Variants in PHB1 observed in about 807,000 individuals in gnomAD.
The protein encoded by PHB1 is prohibitin 1.
At chr17:49,407,014 A>G in the PHB1 span, 1 of 641,710 alleles carries the variant, frequency 1.6e-6, no homozygotes. Flanking sequence ...TCTGTATCCA[A>G]ACTGAGTTTA....
At chr17:49,407,109 C>T in the PHB1 span, 4 of 465,894 alleles carry the variant, frequency 8.6e-6, no homozygotes, top group African/African-American at 3.9e-5. Context: ...CAAATGGCAC[C>T]GGGGGCTTTT....
At chr17:49,410,933 A>T in the PHB1 span, among the ~76,000 whole-genome samples, 1 of 152,222 alleles carries the variant, frequency 6.6e-6, no homozygotes, top group African/African-American at 2.4e-5. Context: ...GGAGAGAATT[A>T]TACTTTCCCC....
At chr17:49,409,229 G>C in the PHB1 span, 1 of 1,570,324 alleles carries the variant, frequency 6.4e-7, no homozygotes. Flanking sequence ...CAGGAAACTA[G>C]CAGCCACATC....
At chr17:49,409,078 G>C in the PHB1 span, 1 of 1,611,826 alleles carries the variant, frequency 6.2e-7, no homozygotes. Context: ...CAAAGGTGGC[G>C]GCTCGCTCTG....
the PHB1 span, among the ~76,000 whole-genome samples, chr17:49,410,033 C>A: frequency 2.6e-5 from 4 of 151,980 alleles, no homozygotes; most frequent in Non-Finnish European, 4.4e-5. Flanking sequence ...CAGGCACAGA[C>A]CACCACGCCC....
chr17:49,409,010 C>T, the PHB1 span: 2 of 1,382,644 alleles, frequency 1.4e-6, 1 homozygote, highest in South Asian at 2.6e-5. Context: ...ACTGCAGCCC[C>T]TTCCCCTCCT....
chr17:49,405,247 C>T, the PHB1 span: 2 of 1,545,256 alleles, frequency 1.3e-6, no homozygotes, highest in African/African-American at 2.7e-5. Flanking sequence ...CCTCAGGGCA[C>T]CGCATGTCAG....
the PHB1 span, chr17:49,413,243 A>G: frequency 1.9e-6 from 3 of 1,609,414 alleles, no homozygotes. Context: ...TTGCCAATGG[A>G]CTCAAACACT....
the PHB1 span, among the ~76,000 whole-genome samples, chr17:49,406,392 A>C: frequency 1.3e-5 from 2 of 152,254 alleles, no homozygotes; most frequent in Non-Finnish European, 2.9e-5. Flanking sequence ...ACGAAAGCAC[A>C]TCTGGTGCAA....
At chr17:49,410,942 C>T in the PHB1 span, among the ~76,000 whole-genome samples, 1 of 152,152 alleles carries the variant, frequency 6.6e-6, no homozygotes, top group African/African-American at 2.4e-5. Context: ...TATACTTTCC[C>T]CTGGACAATT....
At chr17:49,405,344 G>T in the PHB1 span, 3 of 651,558 alleles carry the variant, frequency 4.6e-6, no homozygotes, top group South Asian at 5.6e-5. Context: ...GATGGCTAGC[G>T]GGGGAAGCGG....
At chr17:49,409,800 T>G in the PHB1 span, among the ~76,000 whole-genome samples, 1 of 151,920 alleles carries the variant, frequency 6.6e-6, no homozygotes, top group Non-Finnish European at 1.5e-5. Context: ...CCTCCCAAAG[T>G]GCTGGGATTA....
chr17:49,413,669 C>T, the PHB1 span, among the ~76,000 whole-genome samples: 1 of 151,926 alleles, frequency 6.6e-6, no homozygotes, highest in South Asian at 2.1e-4. Context: ...CCACCATGCC[C>T]GGCTAATTTT....
At chr17:49,404,937 G>A in the PHB1 span, 1 of 1,189,874 alleles carries the variant, frequency 8.4e-7, no homozygotes, top group East Asian at 2.5e-5. Context: ...GCTGTGTTAA[G>A]AATCATCGGG....
At chr17:49,406,063 T>G in the PHB1 span, among the ~76,000 whole-genome samples, 1 of 152,250 alleles carries the variant, frequency 6.6e-6, no homozygotes, top group Non-Finnish European at 1.5e-5. Context: ...AAACATTTAC[T>G]GTATACCTAC....
At chr17:49,412,308 C>T in the PHB1 span, 1 of 161,936 alleles carries the variant, frequency 6.2e-6, no homozygotes, top group African/African-American at 2.4e-5. Context: ...CTCTGTTTCG[C>T]TAAAGTTTTA....
At chr17:49,408,820 C>A in the PHB1 span, 3 of 530,096 alleles carry the variant, frequency 5.7e-6, no homozygotes, top group Admixed American at 7.3e-5. Flanking sequence ...CTGGATACAA[C>A]CAGAGGTCAT....
chr17:49,406,310 C>T, the PHB1 span, among the ~76,000 whole-genome samples: 2,583 of 152,284 alleles, frequency 0.017, 41 homozygotes, highest in Non-Finnish European at 0.026. Flanking sequence ...CAGGCTGCTA[C>T]GCAAATACAC....
chr17:49,413,034 G>A, the PHB1 span: 2 of 639,222 alleles, frequency 3.1e-6, no homozygotes. Context: ...CAGTCCTGTG[G>A]TATGAAATGG....
Sources: gnomAD v4.1 joint callset for allele counts (sites outside exome capture counted in the v4.1 genomes callset) on GRCh38, gnomAD v4.1.1 for gene constraint, MANE v1.5 for transcripts, NCBI Gene and HGNC (gene_info 2026-07-23, HGNC 2026-07-21) for gene names.